RBFOX1: variants seen among roughly 807,000 people sequenced by gnomAD.
The protein encoded by RBFOX1 is RNA binding fox-1 homolog 1, also known as RNA binding protein fox-1 homolog 1.
RBFOX1 carries 8 observed loss-of-function variants against 57.7 expected under a neutral mutation model. The observed-to-expected ratio is 0.14, with a 90% CI of 0.08 to 0.25. The LOEUF is 0.25. Ranked by LOEUF, RBFOX1 falls within the 10% of genes least tolerant of loss-of-function variation. The pLI, the probability that RBFOX1 is intolerant of heterozygous loss-of-function variation, is 1.00. For missense variants in RBFOX1, 611 were observed against 548.5 expected (o/e 1.11, Z -1.14); for synonymous variants, 326 against 222.4 (o/e 1.47, Z -4.15).
intron 2 of RBFOX1, among the ~76,000 whole-genome samples, chr16:6,445,064 A>G (rs545983957): frequency 7.2e-5 from 11 of 152,038 alleles, no homozygotes; most frequent in African/African-American, 2.4e-4. Context: ...GAGAGGAGAG[A>G]TGTGTGGGAG....
chr16:7,282,775 C>T (rs966216835), intron 4 of RBFOX1, among the ~76,000 whole-genome samples: 3 of 152,180 alleles, frequency 2.0e-5, no homozygotes, highest in Admixed American at 1.3e-4. Context: ...CTGTGTCATT[C>T]TTATGCCTTT....
intron 4 of RBFOX1, among the ~76,000 whole-genome samples, chr16:7,148,604 C>G (rs1442478614): frequency 6.6e-6 from 1 of 152,240 alleles, no homozygotes; most frequent in African/African-American, 2.4e-5. Flanking sequence ...GATTTTCTAA[C>G]AATTCACCCT....
chr16:6,158,858 A>C (rs1001732528), intron 1 of RBFOX1, among the ~76,000 whole-genome samples: 1 of 151,916 alleles, frequency 6.6e-6, no homozygotes, highest in South Asian at 2.1e-4. Flanking sequence ...TTAAAAGTGA[A>C]GTTGGTTTTC....
At chr16:6,638,579 G>A (rs2098462843) in intron 2 of RBFOX1, among the ~76,000 whole-genome samples, 1 of 152,024 alleles carries the variant, frequency 6.6e-6, no homozygotes, top group African/African-American at 2.4e-5. Context: ...AATGGCTATC[G>A]GTATGTTCTT....
chr16:5,997,846 C>G (rs957747192), intron 4 of RBFOX1, among the ~76,000 whole-genome samples: 2 of 150,724 alleles, frequency 1.3e-5, no homozygotes, highest in African/African-American at 2.4e-5. Flanking sequence ...ATTTAGTTTA[C>G]TTTACTTTTT....
chr16:5,622,803 G>A (rs183680564), intron 3 of RBFOX1, among the ~76,000 whole-genome samples: 1 of 152,298 alleles, frequency 6.6e-6, no homozygotes, highest in African/African-American at 2.4e-5. Context: ...TGCATCTGTG[G>A]ATTCAACCAA....
intron 4 of RBFOX1, among the ~76,000 whole-genome samples, chr16:7,373,721 A>C (rs79964692): frequency 6.6e-6 from 1 of 152,362 alleles, no homozygotes; most frequent in African/African-American, 2.4e-5. Flanking sequence ...GATCATTGCA[A>C]TAGTTGATAC....
chr16:7,419,990 G>A (rs1356068697), intron 4 of RBFOX1, among the ~76,000 whole-genome samples: 1 of 144,646 alleles, frequency 6.9e-6, no homozygotes, highest in Non-Finnish European at 1.5e-5. Context: ...AACCCAGTTT[G>A]GGCAGAAACT....
intron 1 of RBFOX1, among the ~76,000 whole-genome samples, chr16:6,201,832 A>T (rs2097217482): frequency 6.6e-6 from 1 of 152,122 alleles, no homozygotes; most frequent in Non-Finnish European, 1.5e-5. Flanking sequence ...AAATAAAGAA[A>T]ATTTTTAAAA....
intron 3 of RBFOX1, among the ~76,000 whole-genome samples, chr16:5,606,573 A>G (rs1053797772): frequency 6.6e-6 from 1 of 152,072 alleles, no homozygotes; most frequent in Non-Finnish European, 1.5e-5. Flanking sequence ...AAGAGTTGGA[A>G]GGTATGCATA....
At chr16:7,075,172 T>C (rs984406211) in intron 4 of RBFOX1, among the ~76,000 whole-genome samples, 2 of 152,218 alleles carry the variant, frequency 1.3e-5, no homozygotes, top group Non-Finnish European at 1.5e-5. Flanking sequence ...TTTGTTCTGT[T>C]GCATAGGTAC....
intron 4 of RBFOX1, among the ~76,000 whole-genome samples, chr16:5,923,380 G>T (rs1301994282): frequency 6.6e-6 from 1 of 152,078 alleles, no homozygotes; most frequent in Non-Finnish European, 1.5e-5. Flanking sequence ...GGATGCCAAA[G>T]GTGGAGGTTG....
chr16:7,424,062 C>A (rs564646157), intron 4 of RBFOX1, among the ~76,000 whole-genome samples: 1 of 152,078 alleles, frequency 6.6e-6, no homozygotes, highest in Non-Finnish European at 1.5e-5. Flanking sequence ...ATCTTCCAAG[C>A]TGATTATTTC....
intron 1 of RBFOX1, among the ~76,000 whole-genome samples, chr16:5,395,493 C>G (rs1462190765): frequency 6.6e-6 from 1 of 152,180 alleles, no homozygotes; most frequent in African/African-American, 2.4e-5. Context: ...TCCACTGTGG[C>G]TTGGCTGCGT....
intron 4 of RBFOX1, among the ~76,000 whole-genome samples, chr16:7,434,128 T>G (rs981421067): frequency 2.8e-4 from 43 of 152,014 alleles, no homozygotes; most frequent in African/African-American, 8.7e-4. Context: ...GAGTAAAGTT[T>G]CATAAACCAG....
chr16:6,163,097 G>T (rs1449062366), intron 1 of RBFOX1, among the ~76,000 whole-genome samples: 1 of 152,140 alleles, frequency 6.6e-6, no homozygotes, highest in Non-Finnish European at 1.5e-5. Context: ...AAGGTTAATT[G>T]TGAATCACCC....
chr16:6,399,676 C>G (rs2092989891), intron 2 of RBFOX1, among the ~76,000 whole-genome samples: 1 of 152,202 alleles, frequency 6.6e-6, no homozygotes, highest in African/African-American at 2.4e-5. Context: ...TTTTGGGTAT[C>G]TTTACAGCAG....
intron 3 of RBFOX1, among the ~76,000 whole-genome samples, chr16:5,675,592 T>C (rs1055720349): frequency 1.3e-5 from 2 of 152,188 alleles, no homozygotes; most frequent in African/African-American, 4.8e-5. Flanking sequence ...TGTTTAAACA[T>C]GGCAACGGAG....
At chr16:7,018,239 G>C (rs1035597967) in intron 3 of RBFOX1, among the ~76,000 whole-genome samples, 1 of 152,118 alleles carries the variant, frequency 6.6e-6, no homozygotes, top group Non-Finnish European at 1.5e-5. Flanking sequence ...CTACTGGCTT[G>C]CATTCTAGGT....
Sources: allele counts gnomAD v4.1 joint callset (sites outside exome capture counted in the v4.1 genomes callset), GRCh38; gene constraint gnomAD v4.1.1; transcripts MANE v1.5; gene names NCBI Gene and HGNC (gene_info 2026-07-23, HGNC 2026-07-21).